Variants in ADGRV1 observed in about 807,000 individuals in gnomAD.
ADGRV1 encodes G-protein coupled receptor 98.
ADGRV1 carries 359 observed loss-of-function variants against 596.2 expected under a neutral mutation model. The ratio of observed to expected loss-of-function variants is 0.60; its 90% CI spans 0.55 to 0.66. The LOEUF (loss-of-function observed/expected upper bound fraction) is 0.66, where lower values mean the gene tolerates loss of function less well. ADGRV1 is among the 30% of genes least tolerant of loss of function. The pLI is 0.00. For missense variants in ADGRV1, 7,274 were observed against 7,575.6 expected (o/e 0.96, Z 1.48); for synonymous variants, 2,681 against 2,679.2 (o/e 1.00, Z -0.02).
rs1264345409 is a variant in ADGRV1, at chr5:90,615,030, A to G, written c.207+11A>G. ...ACTGCAATTGTATCGGTAAGAAATTATTATAGCTCTATTTTTACTGAAATA... is the reference window on the plus strand; with the variant it reads ...ACTGCAATTGTATCGGTAAGAAATTGTTATAGCTCTATTTTTACTGAAATA... On this transcript the variant is annotated intron_variant, in intron 2 of 89. Transcript: ENST00000405460. 1 of 1,384,492 alleles carries G rather than the reference A, an allele frequency of 7.2e-7. No individual in the cohort carries two copies. The highest frequency in any genetic ancestry group is 1.5e-5 in the African/African-American group (1 of 68,290). 85.8% of individuals were successfully genotyped at this position (1,384,492 alleles called of 1,614,324 possible). A position where few individuals can be genotyped will look rare whatever the true frequency, so the allele number is the denominator to read the frequency against.
At chr5:91,093,720 G>A (rs1790577768) in intron 86 of ADGRV1, among the ~76,000 whole-genome samples, 1 of 152,082 alleles carries the variant, frequency 6.6e-6, no homozygotes, top group Non-Finnish European at 1.5e-5. Context: ...TGGTGGTGAG[G>A]TTTATCTTTT....
At chr5:90,752,971 G>C (rs533310829) in intron 53 of ADGRV1, among the ~76,000 whole-genome samples, 8 of 152,204 alleles carry the variant, frequency 5.3e-5, no homozygotes, top group African/African-American at 1.9e-4. Context: ...TGTGAGGTGG[G>C]AATCAGTGAA....
intron 85 of ADGRV1, among the ~76,000 whole-genome samples, chr5:91,026,683 G>C (rs1275748465): frequency 6.6e-6 from 1 of 152,110 alleles, no homozygotes; most frequent in Admixed American, 6.6e-5. Flanking sequence ...TTGGAGGAGT[G>C]CCAAAAAGAC....
chr5:90,689,100 A>G (rs183756107), intron 29 of ADGRV1, among the ~76,000 whole-genome samples: 1 of 152,136 alleles, frequency 6.6e-6, no homozygotes, highest in Non-Finnish European at 1.5e-5. Context: ...ATGTGAATGG[A>G]TGGGATACTG....
chr5:91,138,802 C>A (rs1322498794), intron 87 of ADGRV1, among the ~76,000 whole-genome samples: 2 of 147,948 alleles, frequency 1.4e-5, no homozygotes, highest in Non-Finnish European at 3.0e-5. Flanking sequence ...AATGGAGACT[C>A]ACTCTGTTAC....
At chr5:91,013,729 A>G (rs570650287) in intron 85 of ADGRV1, among the ~76,000 whole-genome samples, 8 of 151,812 alleles carry the variant, frequency 5.3e-5, no homozygotes, top group African/African-American at 1.7e-4. Flanking sequence ...ACATTTGTCA[A>G]TTTTTGCTTT....
At chr5:91,042,125 G>A (rs1204224486) in intron 85 of ADGRV1, among the ~76,000 whole-genome samples, 1 of 152,132 alleles carries the variant, frequency 6.6e-6, no homozygotes, top group African/African-American at 2.4e-5. Flanking sequence ...TAGTGATTCA[G>A]TTCAAAAATC....
chr5:90,561,264 A>G (rs1754797462), intron 1 of ADGRV1, among the ~76,000 whole-genome samples: 1 of 152,158 alleles, frequency 6.6e-6, no homozygotes, highest in Non-Finnish European at 1.5e-5. Context: ...TGAATGTAAC[A>G]TGAAATCTTG....
In ADGRV1 at chr5:91,126,532, GC is replaced by G. The variant is rs1480404774; in HGVS notation, c.18433-23492del. Among the ~76,000 whole-genome samples the G allele has an allele frequency of 5.3e-5, 8 of 152,264 alleles. No individual in the cohort carries two copies. The South Asian group carries it at 1.0e-3, about 20-fold the overall frequency. On this transcript the variant is annotated intron_variant, in intron 87 of 89. Coordinates refer to ENST00000405460, the MANE Select transcript of ADGRV1 (RefSeq NM_032119.4). ...GAGGGTAGAAGTAGAAATGAGGTCA[GC>G]CCCCCAGAGCAGTCTGGTGGCCTTG...
intron 72 of ADGRV1, among the ~76,000 whole-genome samples, chr5:90,807,298 A>G (rs1170292337): frequency 6.6e-6 from 1 of 152,186 alleles, no homozygotes. Context: ...AATTTAAACC[A>G]AAGCCTGACA....
chr5:90,703,885 T>G (rs1748238320), intron 35 of ADGRV1, 90 bp downstream of exon 35: 1 of 903,954 alleles, frequency 1.1e-6, no homozygotes, highest in African/African-American at 1.7e-5. Flanking sequence ...ACTATTGTAG[T>G]TATTATCTTT....
At chr5:90,898,040 A>G (rs1771495828) in intron 83 of ADGRV1, among the ~76,000 whole-genome samples, 1 of 152,170 alleles carries the variant, frequency 6.6e-6, no homozygotes, top group Non-Finnish European at 1.5e-5. Flanking sequence ...GAGGTTTTCT[A>G]ATGAACAAGA....
chr5:91,037,734 A>G (rs532920783), intron 85 of ADGRV1, among the ~76,000 whole-genome samples: 1 of 152,358 alleles, frequency 6.6e-6, no homozygotes, highest in South Asian at 2.1e-4. Context: ...ATGATATCAA[A>G]GAAAGTGTCC....
At chr5:90,629,687 G>C in intron 9 of ADGRV1, 148 bp downstream of exon 9, 1 of 599,588 alleles carries the variant, frequency 1.7e-6, no homozygotes, top group Non-Finnish European at 2.9e-6. Context: ...AGTCGGAAGA[G>C]AGATTATGCC....
intron 50 of ADGRV1, among the ~76,000 whole-genome samples, chr5:90,733,625 G>T (rs77286828): frequency 6.6e-6 from 1 of 151,820 alleles, no homozygotes; most frequent in African/African-American, 2.4e-5. Flanking sequence ...CAGGAATCAC[G>T]GTTATTTATG....
rs547816756 is a variant in ADGRV1 at position 90,562,373 on chromosome 5, A to G, written c.22+3456A>G. Among the ~76,000 whole-genome samples the G allele has an allele frequency of 7.9e-5, 12 of 152,256 alleles. No individual in the cohort carries two copies. In the East Asian group the frequency reaches 1.9e-3, roughly 24 times the overall value. ...CTTTTGCATGCATGGAGGGTTCTCC[A>G]ATATGCCAGGATCTTAGGCCACACA... On this transcript the variant is annotated intron_variant, in intron 1 of 89. Transcript: ENST00000405460.
At chr5:91,044,655 T>G (rs1262813025) in intron 85 of ADGRV1, among the ~76,000 whole-genome samples, 2 of 152,140 alleles carry the variant, frequency 1.3e-5, no homozygotes, top group African/African-American at 4.8e-5. Flanking sequence ...GAATTGCACT[T>G]GCTTTGATAC....
intron 85 of ADGRV1, among the ~76,000 whole-genome samples, chr5:91,024,920 G>A (rs1452594688): frequency 6.6e-6 from 1 of 152,148 alleles, no homozygotes; most frequent in African/African-American, 2.4e-5. Context: ...GGTGTTCATA[G>A]CCAGTGGGTC....
At chr5:91,155,257 G>A (rs1319537457) in intron 89 of ADGRV1, among the ~76,000 whole-genome samples, 1 of 152,230 alleles carries the variant, frequency 6.6e-6, no homozygotes, top group African/African-American at 2.4e-5. Flanking sequence ...CTTGAAGGAT[G>A]TATAGGTTTT....
Sources: gnomAD v4.1 joint callset for allele counts (sites outside exome capture counted in the v4.1 genomes callset) on GRCh38, gnomAD v4.1.1 for gene constraint, MANE v1.5 for transcripts, NCBI Gene and HGNC (gene_info 2026-07-23, HGNC 2026-07-21) for gene names.